Variants in EIF2A observed in about 807,000 individuals in gnomAD.
EIF2A encodes the protein eukaryotic translation initiation factor 2A, also known as 65 kDa eukaryotic translation initiation factor 2A.
In EIF2A, 62 loss-of-function variants were observed where a neutral mutation model predicts 75.2. That is an observed-to-expected ratio of 0.82 (90% confidence interval 0.67 to 1.02). The LOEUF is 1.02. Among genes scored for constraint, EIF2A ranks in the 50% least tolerant of loss-of-function variants. EIF2A has a pLI of 0.00. For synonymous variants in EIF2A, 207 were observed against 239.0 expected (o/e 0.87, Z 1.23); for missense variants, 611 against 677.7 (o/e 0.90, Z 1.09).
intron 11 of EIF2A, among the ~76,000 whole-genome samples, chr3:150,577,700 C>T (rs957405690): frequency 6.6e-6 from 1 of 151,764 alleles, no homozygotes; most frequent in Admixed American, 6.6e-5. Context: ...GGATTACAGG[C>T]GTGAGCCACT....
At chr3:150,553,967 T>C (rs900211702) in intron 2 of EIF2A, among the ~76,000 whole-genome samples, 40 of 152,204 alleles carry the variant, frequency 2.6e-4, no homozygotes, top group Non-Finnish European at 1.6e-4. Context: ...GATTGTGATC[T>C]CTAAATACAA....
intron 1 of EIF2A, 41 bp from the exon 2 acceptor site, chr3:150,552,315 T>C (rs541229742): frequency 7.3e-6 from 11 of 1,514,240 alleles, no homozygotes; most frequent in South Asian, 6.2e-5. Context: ...TGAGTCTTTA[T>C]TAACAAAGTA....
intron 3 of EIF2A, among the ~76,000 whole-genome samples, chr3:150,561,871 G>A (rs1723885614): frequency 6.6e-6 from 1 of 150,730 alleles, no homozygotes; most frequent in South Asian, 2.1e-4. Context: ...GCCCACTGCA[G>A]CCTCTGCCTC....
chr3:150,565,060 A>G, intron 6 of EIF2A: 1 of 390,676 alleles, frequency 2.6e-6, no homozygotes, highest in South Asian at 2.0e-5. Context: ...TCTATCTGTT[A>G]TTTTATTCTT....
intron 1 of EIF2A, among the ~76,000 whole-genome samples, chr3:150,549,076 C>A (rs1033806351): frequency 6.6e-6 from 1 of 151,948 alleles, no homozygotes; most frequent in Admixed American, 6.6e-5. Context: ...ATTTTGTTAA[C>A]CCCAACTCTT....
intron 1 of EIF2A, among the ~76,000 whole-genome samples, chr3:150,549,236 T>C (rs1723198813): frequency 6.7e-6 from 1 of 149,924 alleles, no homozygotes; most frequent in East Asian, 1.9e-4. Context: ...TTTTTTTTTT[T>C]TGAGATAGTT....
chr3:150,572,066 A>T lies in EIF2A; in HGVS notation c.920A>T (p.Asp307Val), dbSNP rs1724559860. 1.2e-6 allele frequency: 2 copies of T among 1,613,994 alleles called. No homozygotes were observed. The highest frequency in any genetic ancestry group is 2.2e-5 in the East Asian group (1 of 44,888). The change falls in exon 10 of 14, where the codon GAT becomes GTT. Residue 307 changes from aspartate (D) to valine (V), a missense_variant. Physicochemically the swap from Asp to Val is radical, Grantham distance 152 (BLOSUM62 -3). Coordinates refer to ENST00000460851, the MANE Select transcript of EIF2A (RefSeq NM_032025.5). ...AKATIFNLKCDPVFDFGTGPR... is the reference protein window; with the variant it reads ...AKATIFNLKCVPVFDFGTGPR... ...GCGACAATTTTCAACTTGAAATGTG[A>T]TCCTGTATTTGACTTTGGAACTGGT...
chr3:150,558,176 T>C (rs902338789), intron 2 of EIF2A, among the ~76,000 whole-genome samples: 1 of 152,222 alleles, frequency 6.6e-6, no homozygotes, highest in Admixed American at 6.5e-5. Context: ...TTAAAATCCA[T>C]CTGTTAGTAT....
chr3:150,567,786 A>G lies in EIF2A; in HGVS notation c.549+20A>G. ...TACAAGGTAATTGCTGTTTTTGTTT[A>G]TGTGTAATATTATGTGTTTAAACCT... On this transcript the variant is annotated intron_variant, in intron 7 of 13. Coordinates refer to ENST00000460851, the MANE Select transcript of EIF2A (RefSeq NM_032025.5). The G allele has an allele frequency of 6.4e-7, 1 of 1,568,758 alleles. No individual in the cohort carries two copies. The highest frequency in any genetic ancestry group is 8.6e-7 in the Non-Finnish European group (1 of 1,157,270).
In EIF2A at chr3:150,572,510, C is replaced by G. The variant is rs952623512; in HGVS notation, c.1364C>G (p.Pro455Arg). 3.1e-6 allele frequency: 5 copies of G among 1,603,598 alleles called. No individual in the cohort carries two copies. Among genetic ancestry groups the G allele is most frequent in the Middle Eastern group, 3.3e-4 (2 of 5,988 alleles). Residue 455 changes from proline (P) to arginine (R), a missense_variant, in exon 10 of 14, where the codon CCA becomes CGA. By Grantham distance (103) the Pro-to-Arg change is moderately radical. Transcript: ENST00000460851. ...AYRPPALRNK[P>R]ITNSKLHEEE... ...AGACCCCCAGCTTTAAGAAATAAAC[C>G]AATCACCAATTCCAAATTGGTAAGT...
Position 150,558,443 on chromosome 3 carries a change from G to C in EIF2A, c.154G>C (p.Ala52Pro). 2.0e-6 allele frequency: 3 copies of C among 1,516,278 alleles called. No homozygotes were observed. The highest frequency in any genetic ancestry group is 5.1e-5 in the East Asian group (2 of 39,454). 93.9% of individuals were successfully genotyped at this position (1,516,278 alleles called of 1,614,324 possible). A position where few individuals can be genotyped will look rare whatever the true frequency, so the allele number is the denominator to read the frequency against. Residue 52 changes from alanine (A) to proline (P), a missense_variant, in exon 3 of 14, where the codon GCC becomes CCC. Physicochemically the swap from Ala to Pro is conservative, Grantham distance 27. Transcript: ENST00000460851. ...CIFSKDGTLF[A>P]WGNGEKVNII... ...CTTTAGTAAGGATGGGACCTTGTTT[G>C]CCTGGGGCAATGGAGAAAAGTTAGT...
At chr3:150,581,205 A>G (rs1359886541) in intron 11 of EIF2A, among the ~76,000 whole-genome samples, 1 of 152,230 alleles carries the variant, frequency 6.6e-6, no homozygotes, top group Non-Finnish European at 1.5e-5. Flanking sequence ...TTATAAATTA[A>G]TATCTGTAGG....
intron 2 of EIF2A, among the ~76,000 whole-genome samples, chr3:150,555,900 A>C (rs1723540421): frequency 6.6e-6 from 1 of 152,196 alleles, no homozygotes; most frequent in Non-Finnish European, 1.5e-5. Flanking sequence ...AATATAGCCA[A>C]CTTGCTTGGT....
intron 6 of EIF2A, chr3:150,565,721 G>C (rs1724134463): frequency 1.3e-5 from 2 of 151,932 alleles, no homozygotes; most frequent in Non-Finnish European, 1.5e-5. Flanking sequence ...ACCATGCCCG[G>C]CTAATTTTTG....
chr3:150,572,338 C>T lies in EIF2A; in HGVS notation c.1192C>T (p.His398Tyr). Residue 398 changes from histidine to tyrosine, a missense_variant, in exon 10 of 14, where the codon CAC becomes TAC. Transcript: ENST00000460851. ...TTGGCATTATACTGGCTCTATCTTG[C>T]ACAAGTATGATGTGCCATCAAATGC... ...KIWHYTGSIL[H>Y]KYDVPSNAEL... 6.2e-7 allele frequency: 1 copy of T among 1,613,944 alleles called. No homozygotes were observed. Among genetic ancestry groups the T allele is most frequent in the Non-Finnish European group, 8.5e-7 (1 of 1,179,866 alleles).
At chr3:150,572,628 G>A (rs1346951703) in intron 10 of EIF2A, 99 bp downstream of exon 10, 34 of 1,193,284 alleles carry the variant, frequency 2.8e-5, no homozygotes, top group Non-Finnish European at 4.0e-5. Flanking sequence ...GCCGAGGCGG[G>A]AGGATCACTT....
intron 9 of EIF2A, among the ~76,000 whole-genome samples, chr3:150,570,539 C>T (rs1724446931): frequency 1.4e-5 from 2 of 144,458 alleles, no homozygotes; most frequent in African/African-American, 5.2e-5. Flanking sequence ...GTACTGCAGT[C>T]TTGGTGACAA....
intron 9 of EIF2A, 110 bp from the exon 10 acceptor site, chr3:150,571,848 A>T (rs1724543465): frequency 3.1e-6 from 3 of 965,918 alleles, no homozygotes; most frequent in Non-Finnish European, 4.5e-6. Flanking sequence ...ATTCCTTGAA[A>T]TTTTTTTATC....
At chr3:150,579,733 C>A (rs1725065932) in intron 11 of EIF2A, among the ~76,000 whole-genome samples, 1 of 151,270 alleles carries the variant, frequency 6.6e-6, no homozygotes, top group East Asian at 1.9e-4. Context: ...AAATTGACTT[C>A]AATTCTGTAT....
Sources: allele counts gnomAD v4.1 joint callset (sites outside exome capture counted in the v4.1 genomes callset), GRCh38; gene constraint gnomAD v4.1.1; transcripts MANE v1.5; gene names NCBI Gene and HGNC (gene_info 2026-07-23, HGNC 2026-07-21).